The following RGS7 variants were observed in gnomAD, a reference collection of about 807,000 sequenced individuals.
RGS7 encodes regulator of G-protein signaling 7.
Under a neutral mutation model 81.1 loss-of-function variants are expected in RGS7, and 27 were observed. The observed-to-expected ratio is 0.33, with a 90% CI of 0.25 to 0.46. The LOEUF is 0.46. RGS7 is among the 20% of genes least tolerant of loss of function. The probability of loss-of-function intolerance (pLI) is 1.00; values close to 1 mark genes in which losing one functional copy is unlikely to be tolerated. For synonymous variants in RGS7, 208 were observed against 207.7 expected (o/e 1.00, Z -0.01); for missense variants, 396 against 607.4 (o/e 0.65, Z 3.66).
chr1:240,848,714 A>T (rs998340256), intron 9 of RGS7, among the ~76,000 whole-genome samples: 1 of 152,110 alleles, frequency 6.6e-6, no homozygotes, highest in African/African-American at 2.4e-5. Context: ...TGAATAACAC[A>T]GAAGTTGGTA....
At chr1:241,094,274 C>CACACAT (rs1288128248) in intron 3 of RGS7, among the ~76,000 whole-genome samples, 1 of 151,674 alleles carries the variant, frequency 6.6e-6, no homozygotes, top group African/African-American at 2.4e-5. Context: ...CACACACACA[C>CACACAT]ACAGAGTCAC....
At chr1:241,305,910 C>A in intron 2 of RGS7, 1 of 180,606 alleles carries the variant, frequency 5.5e-6, no homozygotes, top group Non-Finnish European at 1.2e-5. Flanking sequence ...CTCCGAGGGC[C>A]GCCGCAGAGG....
chr1:240,955,061 T>C (rs1174994114), intron 4 of RGS7, among the ~76,000 whole-genome samples: 5 of 152,078 alleles, frequency 3.3e-5, no homozygotes, highest in African/African-American at 1.2e-4. Context: ...AAAAACTACA[T>C]AACACTAATT....
chr1:240,984,353 A>G (rs1278920171), intron 3 of RGS7, among the ~76,000 whole-genome samples: 2 of 152,178 alleles, frequency 1.3e-5, no homozygotes, highest in Admixed American at 1.3e-4. Flanking sequence ...GATGAAGGGA[A>G]AAGGTCTTAG....
intron 2 of RGS7, among the ~76,000 whole-genome samples, chr1:241,251,516 CT>C (rs201489934): frequency 2.0e-5 from 3 of 149,152 alleles, no homozygotes; most frequent in South Asian, 2.1e-4. Context: ...TCTTTCTTTT[CT>C]TTTTTTTTTC....
rs555668268 is a variant in RGS7 at position 241,000,865 on chromosome 1, C to T, written c.176-17736G>A. 4.0e-5 allele frequency among the ~76,000 whole-genome samples: 6 copies of T among 149,282 alleles called. No individual in the cohort carries two copies. The East Asian group carries it at 1.2e-3, about 29-fold the overall frequency. On this transcript the variant is annotated intron_variant, in intron 3 of 18. Coordinates refer to ENST00000440928, the MANE Select transcript of RGS7 (RefSeq NM_001364886.1). ...AGAAACAGTGTTTCACCATGTTGGC[C>T]AGGCTGGTCTCGAACTCCTGACCTC...
intron 3 of RGS7, among the ~76,000 whole-genome samples, chr1:241,087,674 T>C (rs990918658): frequency 1.3e-5 from 2 of 151,924 alleles, no homozygotes; most frequent in African/African-American, 4.8e-5. Context: ...AGAGGCTGGG[T>C]GCGGTGGCTC....
chr1:241,185,267 C>A (rs2071991512), intron 2 of RGS7, among the ~76,000 whole-genome samples: 1 of 152,106 alleles, frequency 6.6e-6, no homozygotes, highest in African/African-American at 2.4e-5. Context: ...TTCTATTTGT[C>A]TGAAGGGTTT....
intron 10 of RGS7, among the ~76,000 whole-genome samples, chr1:240,826,430 C>G (rs369721168): frequency 7.2e-5 from 11 of 152,180 alleles, no homozygotes; most frequent in South Asian, 6.2e-4. Flanking sequence ...AAGGAAATGG[C>G]CACAGAAAAA....
intron 6 of RGS7, among the ~76,000 whole-genome samples, chr1:240,875,707 A>T (rs985063002): frequency 6.6e-6 from 1 of 152,172 alleles, no homozygotes; most frequent in Admixed American, 6.5e-5. Flanking sequence ...GTTACCTTTC[A>T]TCTTTTCAAT....
intron 3 of RGS7, among the ~76,000 whole-genome samples, chr1:240,991,182 C>T (rs1161795076): frequency 6.6e-6 from 1 of 152,170 alleles, no homozygotes; most frequent in Non-Finnish European, 1.5e-5. Context: ...CTTGAGCAGA[C>T]ATTTTCTCAA....
intron 2 of RGS7, among the ~76,000 whole-genome samples, chr1:241,306,903 T>C (rs534563303): frequency 6.6e-6 from 1 of 152,364 alleles, no homozygotes; most frequent in East Asian, 1.9e-4. Context: ...AAACATGTTA[T>C]GTGAATGGCG....
intron 2 of RGS7, among the ~76,000 whole-genome samples, chr1:241,119,118 A>G (rs2066068241): frequency 6.6e-6 from 1 of 152,186 alleles, no homozygotes; most frequent in African/African-American, 2.4e-5. Context: ...ATCAGTAAAA[A>G]TATATATTAA....
At chr1:240,790,689 G>T (rs1405661337) in intron 18 of RGS7, among the ~76,000 whole-genome samples, 1 of 152,172 alleles carries the variant, frequency 6.6e-6, no homozygotes, top group Non-Finnish European at 1.5e-5. Flanking sequence ...CCACATCTCA[G>T]ATACTCAGGA....
intron 3 of RGS7, among the ~76,000 whole-genome samples, chr1:241,059,512 T>A (rs1054997743): frequency 6.6e-6 from 1 of 152,230 alleles, no homozygotes; most frequent in Non-Finnish European, 1.5e-5. Context: ...AACTGCTTCA[T>A]ACTGTGTTAA....
intron 4 of RGS7, among the ~76,000 whole-genome samples, chr1:240,954,141 C>T (rs530150181): frequency 3.3e-5 from 5 of 152,030 alleles, no homozygotes; most frequent in Admixed American, 1.3e-4. Context: ...AAGCAATGGG[C>T]CTAGATAATT....
intron 3 of RGS7, among the ~76,000 whole-genome samples, chr1:241,091,927 AT>A (rs979196866): frequency 5.3e-5 from 8 of 152,192 alleles, no homozygotes; most frequent in African/African-American, 1.9e-4. Context: ...ATTTAAAAAA[AT>A]CTCAAGGGCT....
chr1:240,777,672 A>G (rs1285542832), intron 18 of RGS7, among the ~76,000 whole-genome samples: 1 of 152,184 alleles, frequency 6.6e-6, no homozygotes, highest in African/African-American at 2.4e-5. Context: ...ACACTTATAG[A>G]TTCTTTGTCT....
At chr1:240,908,494 T>C (rs376841189) in intron 6 of RGS7, among the ~76,000 whole-genome samples, 6 of 152,174 alleles carry the variant, frequency 3.9e-5, no homozygotes, top group African/African-American at 1.4e-4. Flanking sequence ...AATGAATCAA[T>C]CAATCAACGT....
Sources: allele counts gnomAD v4.1 joint callset (sites outside exome capture counted in the v4.1 genomes callset), GRCh38; gene constraint gnomAD v4.1.1; transcripts MANE v1.5; gene names NCBI Gene and HGNC (gene_info 2026-07-23, HGNC 2026-07-21).